LUM: variants seen among roughly 807,000 people sequenced by gnomAD.
LUM encodes KSPG lumican.
A neutral mutation model predicts 20.5 loss-of-function variants in LUM; 13 were observed. The observed-to-expected ratio is 0.63, with a 90% CI of 0.41 to 1.01. LUM has a LOEUF of 1.01. Among genes scored for constraint, LUM ranks in the 50% least tolerant of loss-of-function variants. The pLI, the probability that LUM is intolerant of heterozygous loss-of-function variation, is 0.00. For missense variants in LUM, 321 were observed against 391.1 expected (o/e 0.82, Z 1.51); for synonymous variants, 173 against 151.5 (o/e 1.14, Z -1.04).
chr12:91,106,657 GA>G (rs1042816990), intron 2 of LUM, among the ~76,000 whole-genome samples: 1 of 17,938 alleles, frequency 5.6e-5, no homozygotes, highest in Non-Finnish European at 1.2e-4. Flanking sequence ...TTGTACCCAA[GA>G]AAAAAAAAGC....
In LUM at chr12:91,104,171, A is replaced by G. The variant is rs1469519327; in HGVS notation, c.1011T>C (p.Leu337=). 2 of 1,611,382 alleles carry G rather than the reference A, an allele frequency of 1.2e-6. No homozygotes were observed. Among genetic ancestry groups the G allele is most frequent in the Non-Finnish European group, 1.7e-6 (2 of 1,178,048 alleles). Residue 337 remains leucine, a synonymous_variant, in exon 3 of 3, where the codon CTT becomes CTC. Coordinates refer to ENST00000266718, the MANE Select transcript of LUM (RefSeq NM_002345.4). ...TTGTTCCAGGATACAGATATTAATT[A>G]AGAGTGACTTCGTTAGCAACACGTA... is the stretch of plus-strand genomic sequence containing the variant. ...ECLRVANEVT[L]N
chr12:91,106,138 G>A (rs1261153366), intron 2 of LUM, among the ~76,000 whole-genome samples: 3 of 152,168 alleles, frequency 2.0e-5, no homozygotes, highest in Non-Finnish European at 4.4e-5. Context: ...AACATGTGGA[G>A]CTTCAGAGTT....
chr12:91,107,305 G>C (rs1167789403), intron 2 of LUM, among the ~76,000 whole-genome samples: 2 of 112,868 alleles, frequency 1.8e-5, no homozygotes, highest in African/African-American at 7.2e-5. Context: ...AAGAAAGAAA[G>C]AAAGAAAGAA....
rs1592661016 is a variant in LUM, at chr12:91,103,400, C to T, written c.*765G>A. The T allele has an allele frequency of 6.6e-6, 1 of 151,986 alleles. No homozygotes were observed. 9.4% of individuals were successfully genotyped at this position (151,986 alleles called of 1,614,324 possible). A position where few individuals can be genotyped will look rare whatever the true frequency, so the allele number is the denominator to read the frequency against. On this transcript the variant is annotated 3_prime_UTR_variant, in exon 3 of 3. Transcript: ENST00000266718. The stretch of plus-strand genomic sequence containing the variant: ...TTTAAGAACTCTTTGTAAGTGAATG[C>T]TAGAAGTAGACAAATTATTTAGTGG...
intron 2 of LUM, among the ~76,000 whole-genome samples, chr12:91,107,269 A>G (rs1424363439): frequency 2.3e-5 from 2 of 86,880 alleles, no homozygotes; most frequent in Non-Finnish European, 4.6e-5. Flanking sequence ...GAAAGAAAGA[A>G]AGAAAGAAAG....
intron 2 of LUM, among the ~76,000 whole-genome samples, 186 bp from the exon 3 acceptor site, chr12:91,104,505 C>T (rs1879987829): frequency 1.3e-5 from 2 of 152,146 alleles, no homozygotes; most frequent in Non-Finnish European, 2.9e-5. Context: ...GGCACAGTAA[C>T]ATTTAGTAAA....
Position 91,108,748 on chromosome 12 carries a change from T to C in LUM, c.232A>G (p.Ile78Val). Residue 78 changes from isoleucine to valine, a missense_variant, in exon 2 of 3, where the codon ATT becomes GTT. Physicochemically the swap from Ile to Val is conservative, Grantham distance 29. Coordinates refer to ENST00000266718, the MANE Select transcript of LUM (RefSeq NM_002345.4). This position sits in a 1 kb window ranked among gnomAD's most constrained non-coding sequence, Gnocchi z 4.2. The part of the protein sequence containing the change: ...IKYLYLRNNQ[I>V]DHIDEKAFEN... ...AAGGCCTTTTCATCAATATGGTCAA[T>C]CTGGTTATTCCTAAGGTAAAGATAC... 6.2e-7 allele frequency: 1 copy of C among 1,614,140 alleles called. No homozygotes were observed. The highest frequency in any genetic ancestry group is 8.5e-7 in the Non-Finnish European group (1 of 1,180,012).
intron 1 of LUM, among the ~76,000 whole-genome samples, chr12:91,110,731 A>G (rs1412383470): frequency 1.3e-5 from 2 of 152,180 alleles, no homozygotes; most frequent in Non-Finnish European, 2.9e-5. Context: ...AGAGTTTGCA[A>G]CCATATAATG....
Position 91,108,051 on chromosome 12 carries a change from G to A in LUM, c.862+67C>T. 2 of 1,530,826 alleles carry A rather than the reference G, an allele frequency of 1.3e-6. No individual in the cohort carries two copies. The highest frequency in any genetic ancestry group is 1.8e-6 in the Non-Finnish European group (2 of 1,105,024). The allele number at this position is 1,530,826 out of a possible 1,614,324, so 94.8% of individuals were successfully genotyped here. ...TTTAATGGAGCCAGATGCAATATCT[G>A]TGTTGTGCAGCCCAGGTATTTAAAC... On this transcript the variant is annotated intron_variant, in intron 2 of 2. Coordinates refer to ENST00000266718, the MANE Select transcript of LUM (RefSeq NM_002345.4). The surrounding 1 kb of genome is among the most constrained non-coding windows in gnomAD (Gnocchi z 4.2).
In LUM at chr12:91,104,268, T is replaced by C. The variant is rs1423798087; in HGVS notation, c.914A>G (p.Lys305Arg). Residue 305 changes from lysine to arginine, a missense_variant, in exon 3 of 3, where the codon AAG (lysine) becomes AGG (arginine). Lys to Arg is a conservative substitution (Grantham distance 26). Coordinates refer to ENST00000266718, the MANE Select transcript of LUM (RefSeq NM_002345.4). ...CKILGPLSYS[K>R]IKHLRLDGNR... Reference sequence around the variant, plus strand: ...GCCATCCAAACGCAAATGCTTGATCTTGGAGTAGGATAATGGCCCCAGGAT... The same window carrying C: ...GCCATCCAAACGCAAATGCTTGATCCTGGAGTAGGATAATGGCCCCAGGAT... 1 of 1,612,914 alleles carries C rather than the reference T, an allele frequency of 6.2e-7. No homozygotes were observed. The highest frequency in any genetic ancestry group is 1.3e-5 in the African/African-American group (1 of 74,878).
intron 2 of LUM, among the ~76,000 whole-genome samples, chr12:91,107,372 AGAG>A (rs1307716258): frequency 8.3e-5 from 12 of 145,056 alleles, no homozygotes; most frequent in African/African-American, 2.5e-4. Flanking sequence ...AGAAAGAAAA[AGAG>A]AGAGAGAGGG....
chr12:91,107,872 C>G (rs552732669), intron 2 of LUM, among the ~76,000 whole-genome samples: 1 of 152,108 alleles, frequency 6.6e-6, no homozygotes, highest in Non-Finnish European at 1.5e-5. Context: ...TGCGACACCA[C>G]GCCTGGCTAA....
At chr12:91,104,932 C>T (rs1304648866) in intron 2 of LUM, among the ~76,000 whole-genome samples, 1 of 152,072 alleles carries the variant, frequency 6.6e-6, no homozygotes, top group African/African-American at 2.4e-5. Flanking sequence ...TGTCCATGGT[C>T]AAAAAGCTGC....
chr12:91,107,635 G>C (rs1251551323), intron 2 of LUM, among the ~76,000 whole-genome samples: 2 of 152,110 alleles, frequency 1.3e-5, no homozygotes, highest in Non-Finnish European at 2.9e-5. Context: ...TCCTTATCTG[G>C]ATACACCAAA....
intron 1 of LUM, among the ~76,000 whole-genome samples, chr12:91,109,452 G>A (rs558497138): frequency 6.6e-6 from 1 of 152,054 alleles, no homozygotes; most frequent in Non-Finnish European, 1.5e-5. Context: ...AGATCCTTAC[G>A]GGAATATGGG....
intron 2 of LUM, among the ~76,000 whole-genome samples, chr12:91,107,289 G>A (rs200959880): frequency 1.4e-3 from 100 of 72,636 alleles, no homozygotes; most frequent in Middle Eastern, 0.012. Flanking sequence ...GAAAGAAAGA[G>A]AAAGAAAGAA....
chr12:91,109,045 T>C (rs1408166952), intron 1 of LUM, 45 bp from the exon 2 acceptor site: 2 of 1,312,676 alleles, frequency 1.5e-6, no homozygotes, highest in Admixed American at 4.2e-5. Context: ...ATATATACTT[T>C]CAAGAAAAAG....
intron 2 of LUM, among the ~76,000 whole-genome samples, chr12:91,106,909 C>A (rs532477465): frequency 4.6e-5 from 7 of 151,800 alleles, no homozygotes; most frequent in African/African-American, 1.7e-4. Context: ...CAGTGGCTCA[C>A]GCCTGTAATC....
At position 91,102,885 on chromosome 12, in the gene LUM, T is replaced by C. The variant is rs1447639082; in HGVS notation, c.*1280A>G. ...AAAAGTGGTGTGTTAAAACATTTTA[T>C]GCCTTAGAGATACATTTTATTTGTA... On this transcript the variant is annotated 3_prime_UTR_variant, in exon 3 of 3. Coordinates refer to ENST00000266718, the MANE Select transcript of LUM (RefSeq NM_002345.4). 1 of 152,144 alleles carries C rather than the reference T, an allele frequency of 6.6e-6. No homozygotes were observed. The highest frequency in any genetic ancestry group is 1.9e-4 in the East Asian group (1 of 5,200). 9.4% of individuals were successfully genotyped at this position (152,144 alleles called of 1,614,324 possible).
Sources: allele counts gnomAD v4.1 joint callset (sites outside exome capture counted in the v4.1 genomes callset), GRCh38; gene constraint gnomAD v4.1.1; non-coding constraint Gnocchi (gnomAD v3.1); transcripts MANE v1.5; gene names NCBI Gene and HGNC (gene_info 2026-07-23, HGNC 2026-07-21).